Variants in SOHLH2 observed in about 807,000 individuals in gnomAD.
SOHLH2 encodes spermatogenesis and oogenesis specific basic helix-loop-helix 2.
SOHLH2 carries 22 observed loss-of-function variants against 50.4 expected under a neutral mutation model. The observed-to-expected ratio is 0.44, with a 90% CI of 0.31 to 0.62. The LOEUF is 0.62. SOHLH2 is among the 20% of genes least tolerant of loss of function. The pLI is 0.08. For missense variants in SOHLH2, 412 were observed against 504.4 expected (o/e 0.82, Z 1.76); for synonymous variants, 185 against 187.3 (o/e 0.99, Z 0.10).
chr13:36,195,620 G>T lies in SOHLH2; in HGVS notation c.264-1753C>A, dbSNP rs551198932. 5.9e-5 allele frequency among the ~76,000 whole-genome samples: 9 copies of T among 152,314 alleles called. No homozygotes were observed. In the South Asian group the frequency reaches 1.9e-3, roughly 32 times the overall value. ...CCTATGATGGGATGCGCTGATAGGG[G>T]TGACACAGGTGGACTGGAAAGACCC... On this transcript the variant is annotated intron_variant, in intron 2 of 10. Transcript: ENST00000379881.
At chr13:36,182,117 A>C in intron 6 of SOHLH2, 1 of 985,358 alleles carries the variant, frequency 1.0e-6, no homozygotes, top group South Asian at 4.7e-5. Context: ...GGCAAGAAAA[A>C]AGTGTCCTTG....
chr13:36,168,282 A>G lies in SOHLH2; in HGVS notation c.*752T>C, dbSNP rs1676260680. The G allele has an allele frequency of 1.3e-5, 2 of 152,350 alleles. No homozygotes were observed. Among genetic ancestry groups the G allele is most frequent in the Admixed American group, 6.5e-5 (1 of 15,284 alleles). The allele number at this position is 152,350 out of a possible 1,614,324, so 9.4% of individuals were successfully genotyped here. On this transcript the variant is annotated 3_prime_UTR_variant, in exon 11 of 11. Coordinates refer to ENST00000379881, the MANE Select transcript of SOHLH2 (RefSeq NM_017826.3). ...ACATATAAGAACAATTCAGTGAAAT[A>G]TAAAACAAACCTTTTTCCCCCTTAT...
At chr13:36,213,722 G>A (rs974018208) in intron 1 of SOHLH2, among the ~76,000 whole-genome samples, 2 of 152,116 alleles carry the variant, frequency 1.3e-5, no homozygotes, top group East Asian at 1.9e-4. Flanking sequence ...TGGCAAATGC[G>A]TGCAGAGCAG....
At chr13:36,183,904 A>C (rs1887328174) in intron 6 of SOHLH2, among the ~76,000 whole-genome samples, 1 of 152,186 alleles carries the variant, frequency 6.6e-6, no homozygotes, top group African/African-American at 2.4e-5. Flanking sequence ...TACATGAAGC[A>C]AAAACTCTCA....
chr13:36,202,292 G>C (rs889593199), intron 1 of SOHLH2, among the ~76,000 whole-genome samples, 199 bp from the exon 2 acceptor site: 6 of 152,224 alleles, frequency 3.9e-5, no homozygotes, highest in Admixed American at 1.3e-4. Context: ...ACCTAGACTA[G>C]TGATTAGATC....
chr13:36,189,846 G>C (rs1020506787), intron 6 of SOHLH2, 100 bp downstream of exon 6: 3 of 1,181,910 alleles, frequency 2.5e-6, no homozygotes, highest in Admixed American at 3.0e-5. Context: ...AAGTTTACTA[G>C]TTTCACTTAT....
chr13:36,203,312 A>T (rs945845237), intron 1 of SOHLH2, among the ~76,000 whole-genome samples: 1 of 152,172 alleles, frequency 6.6e-6, no homozygotes, highest in Non-Finnish European at 1.5e-5. Context: ...AAAATTTCTG[A>T]TTCACTGGGA....
intron 1 of SOHLH2, among the ~76,000 whole-genome samples, chr13:36,212,122 C>T (rs74045239): frequency 0.011 from 1,613 of 152,062 alleles, 29 homozygotes; most frequent in African/African-American, 0.037. Context: ...AGTGGGAAGT[C>T]GGGAGAAATC....
chr13:36,182,273 A>G, intron 6 of SOHLH2: 1 of 985,438 alleles, frequency 1.0e-6, no homozygotes, highest in Non-Finnish European at 1.2e-6. Flanking sequence ...TTCTACTGCA[A>G]ACAAGAATCT....
intron 4 of SOHLH2, among the ~76,000 whole-genome samples, chr13:36,192,463 C>T (rs1887603575): frequency 6.6e-6 from 1 of 152,054 alleles, no homozygotes; most frequent in African/African-American, 2.4e-5. Flanking sequence ...CCAGGAAGAA[C>T]CACAAGGGCT....
At chr13:36,206,954 A>G (rs951359583) in intron 1 of SOHLH2, among the ~76,000 whole-genome samples, 3 of 151,676 alleles carry the variant, frequency 2.0e-5, no homozygotes, top group African/African-American at 7.2e-5. Context: ...TCTATATAGC[A>G]AATACTACTA....
At chr13:36,214,360 C>T (rs1869307793) in intron 1 of SOHLH2, 119 bp downstream of exon 1, 3 of 1,268,374 alleles carry the variant, frequency 2.4e-6, no homozygotes, top group Non-Finnish European at 3.3e-6. Flanking sequence ...ATTCGCTCCC[C>T]ACAGTTCCCC....
Position 36,168,769 on chromosome 13 carries a change from T to C in SOHLH2, c.*265A>G, listed in dbSNP as rs9546567. On this transcript the variant is annotated 3_prime_UTR_variant, in exon 11 of 11. Transcript: ENST00000379881. ...TTTGAGAAAAGAGAGTGTAGGTCAC[T>C]GAGGCCATTTGTTCTTGTAGCTCTC... is the stretch of plus-strand genomic sequence containing the variant. 0.21 allele frequency: 94,373 copies of C among 454,904 alleles called. 10,899 individuals are homozygous for C. The highest frequency in any genetic ancestry group is 0.23 in the Non-Finnish European group (61,213 of 261,354). 28.2% of individuals were successfully genotyped at this position (454,904 alleles called of 1,614,324 possible).
chr13:36,199,230 A>G (rs1397941986), intron 2 of SOHLH2, among the ~76,000 whole-genome samples: 1 of 152,188 alleles, frequency 6.6e-6, no homozygotes, highest in Non-Finnish European at 1.5e-5. Context: ...AACTCATAAC[A>G]ATTCTGAGGG....
intron 6 of SOHLH2, chr13:36,182,157 A>G: frequency 1.0e-6 from 1 of 985,424 alleles, no homozygotes; most frequent in Non-Finnish European, 1.2e-6. Context: ...TGTGGCAGCC[A>G]AGACTGAGTG....
intron 5 of SOHLH2, among the ~76,000 whole-genome samples, 189 bp downstream of exon 5, chr13:36,191,606 C>T (rs1193179601): frequency 6.6e-6 from 1 of 152,152 alleles, no homozygotes; most frequent in African/African-American, 2.4e-5. Context: ...GACCTGTTCC[C>T]CTGTGGTCAA....
At chr13:36,200,798 C>G (rs1887876415) in intron 2 of SOHLH2, among the ~76,000 whole-genome samples, 2 of 152,094 alleles carry the variant, frequency 1.3e-5, no homozygotes, top group African/African-American at 2.4e-5. Context: ...CCCCTGTAAT[C>G]CCAGCACTTT....
At chr13:36,205,072 T>C (rs1868668035) in intron 1 of SOHLH2, among the ~76,000 whole-genome samples, 1 of 152,204 alleles carries the variant, frequency 6.6e-6, no homozygotes, top group Non-Finnish European at 1.5e-5. Flanking sequence ...TTCTGATTGA[T>C]TATAGCTGAC....
chr13:36,192,007 T>C (rs953885512), intron 4 of SOHLH2, 113 bp from the exon 5 acceptor site: 3 of 1,144,384 alleles, frequency 2.6e-6, no homozygotes, highest in Non-Finnish European at 3.7e-6. Flanking sequence ...CAATAGATTT[T>C]ACAAAGCAGT....
Sources: allele counts gnomAD v4.1 joint callset (sites outside exome capture counted in the v4.1 genomes callset), GRCh38; gene constraint gnomAD v4.1.1; transcripts MANE v1.5; gene names NCBI Gene and HGNC (gene_info 2026-07-23, HGNC 2026-07-21).